Variants in REV3L observed in about 807,000 individuals in gnomAD.
REV3L encodes REV3 like, DNA directed polymerase zeta catalytic subunit.
Under a neutral mutation model 299.4 loss-of-function variants are expected in REV3L, and 69 were observed. The ratio of observed to expected loss-of-function variants is 0.23; its 90% confidence interval spans 0.19 to 0.28. REV3L has a LOEUF of 0.28. Ranked by LOEUF, REV3L falls within the 10% of genes least tolerant of loss-of-function variation. The pLI is 1.00. For missense variants in REV3L, 3,128 were observed against 3,693.8 expected, an observed-to-expected ratio of 0.85 and a Z score of 3.97; for synonymous variants, 1,238 against 1,271.4, an observed-to-expected ratio of 0.97 and a Z score of 0.56.
chr6:111,365,711 G>T (rs1779119612), intron 14 of REV3L, among the ~76,000 whole-genome samples: 1 of 152,004 alleles, frequency 6.6e-6, no homozygotes, highest in Non-Finnish European at 1.5e-5. Flanking sequence ...AAACATACTA[G>T]AAAAATAAAA....
intron 4 of REV3L, among the ~76,000 whole-genome samples, chr6:111,402,368 C>G (rs1035505593): frequency 3.3e-5 from 5 of 152,168 alleles, no homozygotes; most frequent in African/African-American, 1.2e-4. Context: ...AGGGCTCCCA[C>G]CTGCTGGGCA....
At chr6:111,331,239 T>C (rs961521875) in intron 24 of REV3L, among the ~76,000 whole-genome samples, 4 of 152,162 alleles carry the variant, frequency 2.6e-5, no homozygotes, top group African/African-American at 9.7e-5. Context: ...ATATAAACAA[T>C]AAGCCTATTA....
chr6:111,478,457 T>G (rs948843758), intron 1 of REV3L, among the ~76,000 whole-genome samples: 3 of 152,164 alleles, frequency 2.0e-5, no homozygotes, highest in Admixed American at 6.5e-5. Flanking sequence ...TGAAAATCTC[T>G]CCAATAATTG....
Position 111,375,464 on chromosome 6 carries a change from C to T in REV3L, c.2891G>A (p.Arg964Gln), listed in dbSNP as rs765373065. 4.4e-6 allele frequency: 7 copies of T among 1,601,564 alleles called. No homozygotes were observed. Among genetic ancestry groups the T allele is most frequent in the East Asian group, 4.5e-5 (2 of 44,766 alleles). The part of the protein sequence containing the change: ...SLDGTLKSRK[R>Q]RKMSKKLPPV... Reference sequence around the variant, plus strand: ...GGGCAGCTTTTTAGACATTTTTCTTCGTTTTCGGGATTTGAGAGTTCCATC... The same window carrying T: ...GGGCAGCTTTTTAGACATTTTTCTTTGTTTTCGGGATTTGAGAGTTCCATC... Residue 964 changes from arginine to glutamine, a missense_variant, in exon 13 of 32, where the codon CGA becomes CAA. Transcript: ENST00000368802.
rs1788091874 is a variant in REV3L, at chr6:111,440,192, T to G, written c.140-23720A>C. On this transcript the variant is annotated intron_variant, in intron 1 of 31. Transcript: ENST00000368802. ...AGTGATTTTCCTACCTCGGCCTCCCTCCTAGTAGCTGGGATTACAGGCATG... is the reference window on the plus strand; with the variant it reads ...AGTGATTTTCCTACCTCGGCCTCCCGCCTAGTAGCTGGGATTACAGGCATG... 3.3e-5 allele frequency among the ~76,000 whole-genome samples: 5 copies of G among 152,096 alleles called. No homozygotes were observed. In the South Asian group the frequency reaches 1.0e-3, roughly 32 times the overall value.
At chr6:111,423,445 T>C (rs1352625841) in intron 1 of REV3L, among the ~76,000 whole-genome samples, 2 of 151,380 alleles carry the variant, frequency 1.3e-5, no homozygotes, top group East Asian at 3.9e-4. Flanking sequence ...ACAGGAAAAG[T>C]GTAGGTGGGA....
chr6:111,370,204 T>C (rs1357040358), intron 13 of REV3L, among the ~76,000 whole-genome samples: 2 of 152,160 alleles, frequency 1.3e-5, no homozygotes, highest in African/African-American at 2.4e-5. Flanking sequence ...AGTGTCAAAG[T>C]TGGACAATAA....
rs747130513 is a variant in REV3L, at chr6:111,374,902, C to T, written c.3453G>A (p.Lys1151=). 1.9e-6 allele frequency: 3 copies of T among 1,613,538 alleles called. No homozygotes were observed. The African/African-American group carries it at 4.0e-5, about 22-fold the overall frequency. ...CAGTCTTCTTATATACATTAGGACCCTTAAAAAGCATTGCCTCTTTTTCTG... is the reference window on the plus strand; with the variant it reads ...CAGTCTTCTTATATACATTAGGACCTTTAAAAAGCATTGCCTCTTTTTCTG... The part of the protein sequence containing the change: ...AAAEKEAMLF[K]GPNVYKKTVN... The change falls in exon 13 of 32, where the codon AAG becomes AAA. Residue 1151 remains lysine, a synonymous_variant. Coordinates refer to ENST00000368802, the MANE Select transcript of REV3L (RefSeq NM_001372078.1).
At position 111,309,970 on chromosome 6, in the gene REV3L, G is replaced by A. The variant is rs151319133; in HGVS notation, c.8925C>T (p.Asp2975=). The A allele has an allele frequency of 3.1e-6, 5 of 1,613,884 alleles. No homozygotes were observed. In the African/African-American group the frequency reaches 6.7e-5, roughly 22 times the overall value. The part of the protein sequence containing the change: ...LVRRPVEVLQ[D]PTLRLNATYY... ...AAGTAGCATTCAGTCTCAGAGTTGG[G>A]TCCTGCAGGACTTCCACTGGGCGCC... The change falls in exon 30 of 32, where the codon GAC becomes GAT. Residue 2975 remains aspartate (D), a synonymous_variant. Coordinates refer to ENST00000368802, the MANE Select transcript of REV3L (RefSeq NM_001372078.1).
At chr6:111,466,699 T>G (rs886634797) in intron 1 of REV3L, among the ~76,000 whole-genome samples, 14 of 152,184 alleles carry the variant, frequency 9.2e-5, no homozygotes, top group Non-Finnish European at 1.8e-4. Flanking sequence ...TAGACAGGTA[T>G]GGTGTGGTGG....
chr6:111,332,534 G>A (rs1775503568), intron 23 of REV3L, among the ~76,000 whole-genome samples: 1 of 152,064 alleles, frequency 6.6e-6, no homozygotes, highest in Non-Finnish European at 1.5e-5. Flanking sequence ...AATTTCCACA[G>A]ATGCTTTCTA....
chr6:111,420,141 G>C (rs931234311), intron 1 of REV3L, among the ~76,000 whole-genome samples: 3 of 152,096 alleles, frequency 2.0e-5, no homozygotes, highest in African/African-American at 7.2e-5. Context: ...CACCGCGCCC[G>C]GCCATTTTGG....
intron 25 of REV3L, among the ~76,000 whole-genome samples, chr6:111,325,768 T>C (rs1774721306): frequency 1.3e-5 from 2 of 152,234 alleles, no homozygotes; most frequent in Non-Finnish European, 2.9e-5. Flanking sequence ...CATTTATCAT[T>C]TATTTGTGTT....
intron 1 of REV3L, among the ~76,000 whole-genome samples, chr6:111,418,070 A>G (rs1582910543): frequency 6.6e-6 from 1 of 152,190 alleles, no homozygotes; most frequent in Non-Finnish European, 1.5e-5. Flanking sequence ...TGCTTTTTAA[A>G]TATCTCATGA....
chr6:111,389,705 T>C (rs947842707), intron 6 of REV3L, among the ~76,000 whole-genome samples: 1 of 151,642 alleles, frequency 6.6e-6, no homozygotes, highest in Non-Finnish European at 1.5e-5. Context: ...TTCCTACTTT[T>C]TCTATTCCAT....
intron 2 of REV3L, among the ~76,000 whole-genome samples, chr6:111,413,324 T>C (rs1018376899): frequency 1.3e-5 from 2 of 152,134 alleles, no homozygotes; most frequent in Non-Finnish European, 2.9e-5. Context: ...TGAAAGCAGA[T>C]GTTTTCATGT....
intron 26 of REV3L, among the ~76,000 whole-genome samples, chr6:111,318,776 G>A (rs1028731613): frequency 6.6e-6 from 1 of 151,918 alleles, no homozygotes; most frequent in Non-Finnish European, 1.5e-5. Context: ...CTCCATGTTG[G>A]TCAGGCTGGT....
At chr6:111,344,763 C>A (rs1444230565) in intron 20 of REV3L, among the ~76,000 whole-genome samples, 1 of 152,148 alleles carries the variant, frequency 6.6e-6, no homozygotes, top group Non-Finnish European at 1.5e-5. Flanking sequence ...AACCAGTAGT[C>A]CCCATTCTTA....
At chr6:111,313,541 A>AATGTTTT (rs1470483756) in intron 27 of REV3L, 52 bp from the exon 28 acceptor site, 2 of 1,527,644 alleles carry the variant, frequency 1.3e-6, no homozygotes, top group Non-Finnish European at 1.8e-6. Context: ...CCCCACCAAG[A>AATGTTTT]ATGTTTTATT....
Sources: gnomAD v4.1 joint callset for allele counts (sites outside exome capture counted in the v4.1 genomes callset) on GRCh38, gnomAD v4.1.1 for gene constraint, MANE v1.5 for transcripts, NCBI Gene and HGNC (gene_info 2026-07-23, HGNC 2026-07-21) for gene names.